CEP128: variants seen among roughly 807,000 people sequenced by gnomAD.
The protein encoded by CEP128 is centrosomal protein 128kDa.
In CEP128, 132 loss-of-function variants were observed where a neutral mutation model predicts 156.7. The observed-to-expected ratio is 0.84, with a 90% CI of 0.73 to 0.97. The LOEUF is 0.97. Ranked by LOEUF, CEP128 falls within the 50% of genes least tolerant of loss-of-function variation. CEP128 has a pLI of 0.00. For synonymous variants in CEP128, 469 were observed against 448.9 expected (o/e 1.04, Z -0.57); for missense variants, 1,252 against 1,281.9 (o/e 0.98, Z 0.36).
At chr14:80,788,288 C>CTTTTTTTTTTTTTTT (rs10628361) in intron 14 of CEP128, among the ~76,000 whole-genome samples, 13 of 97,248 alleles carry the variant, frequency 1.3e-4, no homozygotes, top group Admixed American at 2.6e-4. Flanking sequence ...TGGCCAGGAT[C>CTTTTTTTTTTTTTTT]TTTTTTTTTT....
In CEP128 at chr14:80,694,788, T is replaced by C. The variant is rs1449592891; in HGVS notation, c.2806+48287A>G. Among the ~76,000 whole-genome samples the C allele has an allele frequency of 2.6e-5, 4 of 151,938 alleles. No individual in the cohort carries two copies. In the East Asian group the frequency reaches 7.8e-4, roughly 29 times the overall value. ...AGGGGAAGGGGAGCATTATCATAAA[T>C]ACCTAATGCATGTGGGGCTTCAAAC... On this transcript the variant is annotated intron_variant, in intron 19 of 24. Transcript: ENST00000555265.
chr14:80,660,091 G>A (rs1785088488), intron 19 of CEP128, among the ~76,000 whole-genome samples: 1 of 152,092 alleles, frequency 6.6e-6, no homozygotes, highest in South Asian at 2.1e-4. Flanking sequence ...TGTACGCAAA[G>A]GTATTAACAT....
At chr14:80,609,386 T>G (rs949755594) in intron 19 of CEP128, among the ~76,000 whole-genome samples, 7 of 152,166 alleles carry the variant, frequency 4.6e-5, no homozygotes, top group Non-Finnish European at 1.0e-4. Flanking sequence ...TTAGATATCT[T>G]GAAGTTCACT....
At chr14:80,668,240 AC>A (rs1349632160) in intron 19 of CEP128, among the ~76,000 whole-genome samples, 34 of 152,320 alleles carry the variant, frequency 2.2e-4, no homozygotes, top group African/African-American at 8.2e-4. Flanking sequence ...TGGAATTCAA[AC>A]CTAGGCAGGA....
intron 14 of CEP128, among the ~76,000 whole-genome samples, chr14:80,484,190 C>A (rs1421878398): frequency 6.6e-6 from 1 of 152,144 alleles, no homozygotes; most frequent in Non-Finnish European, 1.5e-5. Flanking sequence ...GTTTCCTGGG[C>A]TGGTCTCAAA....
In CEP128 at chr14:80,830,428, A is replaced by G. The variant is rs1343766812; in HGVS notation, c.1209+715T>C. 17 of 397,720 alleles carry G rather than the reference A, an allele frequency of 4.3e-5. No homozygotes were observed. In the Admixed American group the frequency reaches 6.8e-4, roughly 16 times the overall value. The allele number at this position is 397,720 out of a possible 1,614,324, so 24.6% of individuals were successfully genotyped here. ...AATTAGAACACAACTTCACTTACAA[A>G]AACAGATACAGGGAGGATTGATACA... On this transcript the variant is annotated intron_variant, in intron 13 of 24. Transcript: ENST00000555265.
chr14:80,576,027 A>G (rs1306288674), intron 20 of CEP128, among the ~76,000 whole-genome samples: 1 of 151,966 alleles, frequency 6.6e-6, no homozygotes, highest in Non-Finnish European at 1.5e-5. Context: ...AACACTGTGA[A>G]GCTTTCATAA....
chr14:80,792,815 C>T lies in CEP128; in HGVS notation c.1505G>A (p.Arg502Gln), dbSNP rs764191442. 20 of 1,614,020 alleles carry T rather than the reference C, an allele frequency of 1.2e-5. No homozygotes were observed. The East Asian group carries it at 1.8e-4, about 14-fold the overall frequency. ...QWKLKHKKLE[R>Q]ALEKQSETVD... ...AGTTTCAGATTGTTTCTCCAACGCT[C>T]GTTCTAACTTCTTATGCTTAAGCTT... Residue 502 changes from arginine to glutamine, a missense_variant, in exon 14 of 25, where the codon CGA becomes CAA. Physicochemically the swap from Arg to Gln is conservative, Grantham distance 43 (BLOSUM62 1). Coordinates refer to ENST00000555265, the MANE Select transcript of CEP128 (RefSeq NM_152446.5).
chr14:80,803,059 T>C (rs945260937), intron 13 of CEP128, among the ~76,000 whole-genome samples: 7 of 152,196 alleles, frequency 4.6e-5, no homozygotes, highest in African/African-American at 1.7e-4. Context: ...ATTCAATAAA[T>C]ATTTACTGCA....
chr14:80,918,563 T>G (rs1377321623), intron 2 of CEP128, among the ~76,000 whole-genome samples: 1 of 152,198 alleles, frequency 6.6e-6, no homozygotes, highest in Non-Finnish European at 1.5e-5. Context: ...TAATTATAAG[T>G]AGAATGCAAA....
At chr14:80,798,459 C>G (rs1172994275) in intron 13 of CEP128, among the ~76,000 whole-genome samples, 3 of 152,186 alleles carry the variant, frequency 2.0e-5, no homozygotes, top group Non-Finnish European at 2.9e-5. Context: ...TCTGACAACA[C>G]ATATAAAGTG....
At chr14:80,792,151 T>C (rs1205447081) in intron 14 of CEP128, among the ~76,000 whole-genome samples, 2 of 152,208 alleles carry the variant, frequency 1.3e-5, no homozygotes, top group Admixed American at 6.5e-5. Context: ...GAAAAGATAA[T>C]GTGAAATGCA....
chr14:80,494,166 T>C (rs189441156), downstream of CEP128, among the ~76,000 whole-genome samples: 4 of 152,334 alleles, frequency 2.6e-5, no homozygotes, highest in African/African-American at 9.6e-5. Context: ...TCATATCAAA[T>C]TTTGGTGCAT....
intron 8 of CEP128, among the ~76,000 whole-genome samples, chr14:80,863,825 GA>G (rs35636272): frequency 6.0e-4 from 90 of 151,248 alleles, no homozygotes; most frequent in Middle Eastern, 3.4e-3. Flanking sequence ...TAAATGTATG[GA>G]AAAAAAAAGT....
chr14:80,831,160 A>C lies in CEP128; in HGVS notation c.1192T>G (p.Leu398Val). Residue 398 changes from leucine (L) to valine (V), a missense_variant, in exon 13 of 25, where the codon TTG becomes GTG. Transcript: ENST00000555265. The part of the protein sequence containing the change: ...MERKDKEKAH[L>V]ASQVENLTRE... ...AAAGTCACCTCTACTTGTGATGCCA[A>C]ATGTGCTTTCTCCTTGTCTTTTCTC... 2 of 1,613,940 alleles carry C rather than the reference A, an allele frequency of 1.2e-6. No homozygotes were observed. The highest frequency in any genetic ancestry group is 1.7e-6 in the Non-Finnish European group (2 of 1,179,890).
At chr14:80,626,190 C>T (rs111968182) in intron 19 of CEP128, among the ~76,000 whole-genome samples, 152 of 151,964 alleles carry the variant, frequency 1.0e-3, no homozygotes, top group African/African-American at 3.5e-3. Context: ...CAGGGCCGGG[C>T]GCGGTGGCTC....
intron 13 of CEP128, among the ~76,000 whole-genome samples, chr14:80,821,600 TACACACACAC>T (rs71103885): frequency 5.3e-4 from 77 of 145,376 alleles, no homozygotes; most frequent in East Asian, 2.0e-3. Context: ...CATACACACA[TACACACACAC>T]ACACACACAC....
chr14:80,507,068 G>A (rs544924267), intron 23 of CEP128, among the ~76,000 whole-genome samples: 2 of 151,830 alleles, frequency 1.3e-5, no homozygotes, highest in African/African-American at 4.8e-5. Context: ...TGAAGTGCCT[G>A]TGCCTGCTTC....
chr14:80,679,665 T>C (rs2139240369), intron 19 of CEP128, among the ~76,000 whole-genome samples: 1 of 152,332 alleles, frequency 6.6e-6, no homozygotes, highest in South Asian at 2.1e-4. Context: ...CCTTTTACCT[T>C]ATGATCTTTG....
Sources: gnomAD v4.1 joint callset for allele counts (sites outside exome capture counted in the v4.1 genomes callset) on GRCh38, gnomAD v4.1.1 for gene constraint, MANE v1.5 for transcripts, NCBI Gene and HGNC (gene_info 2026-07-23, HGNC 2026-07-21) for gene names.